ACADVL: variants seen among roughly 807,000 people sequenced by gnomAD.
ACADVL encodes the protein acyl-CoA dehydrogenase very long chain.
A neutral mutation model predicts 80.4 loss-of-function variants in ACADVL; 73 were observed. That is an observed-to-expected ratio of 0.91 (90% CI 0.75 to 1.10). The LOEUF is 1.10. ACADVL is among the 50% of genes least tolerant of loss of function. The probability of loss-of-function intolerance (pLI) is 0.00; values close to 1 mark genes in which losing one functional copy is unlikely to be tolerated. For missense variants in ACADVL, 878 were observed against 858.9 expected (o/e 1.02, Z -0.28); for synonymous variants, 392 against 326.5 (o/e 1.20, Z -2.16).
At chr17:7,222,918 C>T (rs1938129085) in intron 10 of ACADVL, 53 bp downstream of exon 10, 3 of 1,594,072 alleles carry the variant, frequency 1.9e-6, no homozygotes, top group Non-Finnish European at 2.6e-6. Context: ...CTCACTGTCC[C>T]CCTTGCCATG....
In ACADVL at chr17:7,223,222, G is replaced by A. The variant is rs2142982468; in HGVS notation, c.1167G>A (p.Leu389=). ...AGAAGCTGGCACGGATGGTTATGCT[G>A]CAGTATGTAACTGAGGTGAGGGCCT... ...IQEKLARMVM[L]QYVTESMAYM... Residue 389 remains leucine, a synonymous_variant, in exon 11 of 20, where the codon CTG becomes CTA. Coordinates refer to ENST00000356839, the MANE Select transcript of ACADVL (RefSeq NM_000018.4). 1 of 1,613,764 alleles carries A rather than the reference G, an allele frequency of 6.2e-7. No homozygotes were observed. Among genetic ancestry groups the A allele is most frequent in the Non-Finnish European group, 8.5e-7 (1 of 1,179,708 alleles).
In ACADVL at chr17:7,224,459, G is replaced by A. The variant is rs369612290; in HGVS notation, c.1606-21G>A. 12 of 1,613,632 alleles carry A rather than the reference G, an allele frequency of 7.4e-6. No homozygotes were observed. In the Admixed American group the frequency reaches 1.0e-4, roughly 13 times the overall value. On this transcript the variant is annotated intron_variant, in intron 16 of 19. Transcript: ENST00000356839. ...GCAGCCGATGGCCCCTCTGAGCCCCGCACTGTCCCCATCTCTTAAGGCAGT... is the reference window on the plus strand; with the variant it reads ...GCAGCCGATGGCCCCTCTGAGCCCCACACTGTCCCCATCTCTTAAGGCAGT...
rs1278576035 is a variant in ACADVL, at chr17:7,223,259, C to G, written c.1182+22C>G. 2.5e-6 allele frequency: 4 copies of G among 1,590,502 alleles called. No individual in the cohort carries two copies. In the African/African-American group the frequency reaches 5.4e-5, roughly 21 times the overall value. ...TGAGGTGAGGGCCTCCCAAGCCCCT[C>G]TCCCTGGAGCCCTGGGGCTTTCTTC... On this transcript the variant is annotated intron_variant, in intron 11 of 19. Coordinates refer to ENST00000356839, the MANE Select transcript of ACADVL (RefSeq NM_000018.4).
rs757917133 is a variant in ACADVL at position 7,223,807 on chromosome 17, C to G, written c.1270-6C>G. ...AAAACCAGTCTCATCTGTTCTTTGTCCCTAGGAGGCAGCCTGGAAGGTGAC... is the reference window on the plus strand; with the variant it reads ...AAAACCAGTCTCATCTGTTCTTTGTGCCTAGGAGGCAGCCTGGAAGGTGAC... On this transcript the variant is annotated splice_region_variant and splice_polypyrimidine_tract_variant and intron_variant, in intron 12 of 19. Transcript: ENST00000356839. The G allele has an allele frequency of 4.3e-6, 7 of 1,614,088 alleles. No individual in the cohort carries two copies. The South Asian group carries it at 7.7e-5, about 18-fold the overall frequency.
chr17:7,218,681 C>G, upstream of ACADVL: 1 of 1,545,686 alleles, frequency 6.5e-7, no homozygotes, highest in Non-Finnish European at 8.8e-7. Flanking sequence ...AAGATGCCAA[C>G]ACAGGAAGAT....
chr17:7,223,729 C>T lies in ACADVL; in HGVS notation c.1268C>T (p.Ser423Leu), dbSNP rs1451455641. Residue 423 changes from serine to leucine, a missense_variant and splice_region_variant, in exon 12 of 20, where the codon TCG (serine) becomes TTG (leucine). By Grantham distance (145) the Ser-to-Leu change is moderately radical. Transcript: ENST00000356839. ...IEAAISKIFG[S>L]EAAWKVTDEC... ...GCCGCCATCAGCAAAATCTTTGGCT[C>T]GGTGAGGTCCCAGGCATGCTGGGAG... is the stretch of plus-strand genomic sequence containing the variant. 3.7e-6 allele frequency: 6 copies of T among 1,614,100 alleles called. No individual in the cohort carries two copies. Among genetic ancestry groups the T allele is most frequent in the South Asian group, 1.1e-5 (1 of 91,078 alleles).
At chr17:7,218,540 C>T, upstream of ACADVL, 1 of 1,557,930 alleles carries the variant, frequency 6.4e-7, no homozygotes, top group South Asian at 1.2e-5. Flanking sequence ...GGGCTACTCA[C>T]CCAGCAAGGC....
chr17:7,220,346 G>A (rs1290477518), intron 2 of ACADVL, 118 bp from the exon 3 acceptor site: 43 of 1,555,300 alleles, frequency 2.8e-5, no homozygotes, highest in Non-Finnish European at 3.6e-5. Flanking sequence ...GGTGCCCTAG[G>A]GCGAAACTAG....
In ACADVL at chr17:7,224,805, C is replaced by T; in HGVS notation, c.1752-4C>T. 1 of 1,614,028 alleles carries T rather than the reference C, an allele frequency of 6.2e-7. No homozygotes were observed. On this transcript the variant is annotated splice_region_variant and splice_polypyrimidine_tract_variant and intron_variant, in intron 18 of 19. Transcript: ENST00000356839. ...ATTTATTTTCATCTCCTGCTTCCTG[C>T]CAGGGCCTCAAGATCCCTGAGTGAG...
rs766504482 is a variant in ACADVL at position 7,223,738 on chromosome 17, C to G, written c.1269+8C>G. The stretch of plus-strand genomic sequence containing the variant: ...AGCAAAATCTTTGGCTCGGTGAGGT[C>G]CCAGGCATGCTGGGAGGGAGTCCAG... On this transcript the variant is annotated splice_region_variant and intron_variant, in intron 12 of 19. Transcript: ENST00000356839. The G allele has an allele frequency of 1.9e-6, 3 of 1,613,998 alleles. No homozygotes were observed. Among genetic ancestry groups the G allele is most frequent in the Admixed American group, 1.7e-5 (1 of 60,000 alleles).
In ACADVL at chr17:7,224,987, G is replaced by A. The variant is rs965557488; in HGVS notation, c.1858G>A (p.Ala620Thr). The change falls in exon 20 of 20, where the codon GCC becomes ACC. Residue 620 changes from alanine (A) to threonine (T), a missense_variant. Transcript: ENST00000356839. ...AGCTCGGATCCGAGAGGGCATGGCCGCCCTGCAGTCTGACCCCTGGCAGCA... is the reference window on the plus strand; with the variant it reads ...AGCTCGGATCCGAGAGGGCATGGCCACCCTGCAGTCTGACCCCTGGCAGCA... Reference protein sequence around the residue: ...AAARIREGMAALQSDPWQQEL... With the variant: ...AAARIREGMATLQSDPWQQEL... 1.5e-5 allele frequency: 24 copies of A among 1,613,954 alleles called. No homozygotes were observed. The highest frequency in any genetic ancestry group is 1.9e-5 in the Non-Finnish European group (22 of 1,180,036).
chr17:7,222,332 G>C (rs928916013), intron 9 of ACADVL, 30 bp downstream of exon 9: 3 of 1,610,432 alleles, frequency 1.9e-6, no homozygotes, highest in Admixed American at 1.7e-5. Context: ...GGGAGCTTAG[G>C]ACTGAGGGGC....
upstream of ACADVL, chr17:7,219,932 G>GACGCGGGCGTGCAGA (rs1335775002): frequency 6.3e-7 from 1 of 1,576,312 alleles, no homozygotes; most frequent in East Asian, 2.3e-5. Context: ...GGGCGTGCAG[G>GACGCGGGCGTGCAGA]ACGCCAGAGC....
chr17:7,223,090 G>T, intron 10 of ACADVL, 43 bp from the exon 11 acceptor site: 1 of 1,571,926 alleles, frequency 6.4e-7, no homozygotes, highest in South Asian at 1.1e-5. Context: ...GGAGACTGCA[G>T]AACCACACTG....
upstream of ACADVL, chr17:7,218,755 G>A: frequency 9.4e-6 from 15 of 1,592,678 alleles, no homozygotes; most frequent in African/African-American, 1.3e-5. Context: ...GGAAAGATTT[G>A]GGGAGAAGGA....
rs775298132 is a variant in ACADVL at position 7,220,700 on chromosome 17, TG to T, written c.277+27del. 18 of 1,614,072 alleles carry T rather than the reference TG, an allele frequency of 1.1e-5. 1 individual carries two copies. In the African/African-American group the frequency reaches 1.5e-4, roughly 13 times the overall value. On this transcript the variant is annotated intron_variant, in intron 4 of 19. Transcript: ENST00000356839. ...CGGTAAGGGAAGGGATAATCAGAGC[TG>T]GGTGGGGCCAGGGTGGTTTCCCCTG... is the stretch of plus-strand genomic sequence containing the variant.
At position 7,225,093 on chromosome 17, in the gene ACADVL, TC is replaced by T. The variant is rs1567570161; in HGVS notation, c.1965del (p.Ter656GlufsTer24). 6.2e-7 allele frequency: 1 copy of T among 1,614,058 alleles called. No homozygotes were observed. Among genetic ancestry groups the T allele is most frequent in the Admixed American group, 1.7e-5 (1 of 60,026 alleles). ...GGVVTSNPLG[F>X] The stretch of plus-strand genomic sequence containing the variant: ...GTGGTCACCAGCAACCCACTTGGCT[TC>T]TGAATACTCCCGGCCAGGGCCTGTC... On this transcript the variant is annotated frameshift_variant, in exon 20 of 20. Transcript: ENST00000356839. LOFTEE classifies it high-confidence loss of function.
Position 7,220,777 on chromosome 17 carries a change from GAGCAGA to G in ACADVL, c.290_295del (p.Glu97_Thr99delinsAla), listed in dbSNP as rs760543441. ...CCCACCCTCTGCAGTGCTCAACGAA[GAGCAGA>G]CACAGTTTCTTAAAGAGCTGGTGGA... On this transcript the variant is annotated inframe_deletion, in exon 5 of 20. Coordinates refer to ENST00000356839, the MANE Select transcript of ACADVL (RefSeq NM_000018.4). 4 of 1,614,158 alleles carry G rather than the reference GAGCAGA, an allele frequency of 2.5e-6. No homozygotes were observed. The South Asian group carries it at 4.4e-5, about 18-fold the overall frequency.
At position 7,222,831 on chromosome 17, in the gene ACADVL, T is replaced by C. The variant is rs2071295465; in HGVS notation, c.1043T>C (p.Leu348Pro). 1.2e-6 allele frequency: 2 copies of C among 1,613,132 alleles called. No individual in the cohort carries two copies. The highest frequency in any genetic ancestry group is 1.3e-5 in the African/African-American group (1 of 74,878). Reference protein sequence around the residue: ...NNGRFGMAAALAGTMRGIIAK... With the variant: ...NNGRFGMAAAPAGTMRGIIAK... ...GGAAGGTTTGGCATGGCTGCGGCCC[T>C]GGCAGGTACCATGAGAGGCATCATT... is the stretch of plus-strand genomic sequence containing the variant. The change falls in exon 10 of 20, where the codon CTG (leucine) becomes CCG (proline). Residue 348 changes from leucine (L) to proline (P), a missense_variant. By Grantham distance (98) the Leu-to-Pro change is moderately conservative. Coordinates refer to ENST00000356839, the MANE Select transcript of ACADVL (RefSeq NM_000018.4).
Sources: allele counts gnomAD v4.1 joint callset, GRCh38; gene constraint gnomAD v4.1.1; transcripts MANE v1.5; gene names NCBI Gene and HGNC (gene_info 2026-07-23, HGNC 2026-07-21).